The following AFG2A variants were observed in gnomAD, a reference collection of about 807,000 sequenced individuals.
AFG2A encodes AAA ATPase AFG2A, also known as ATPase family gene 2 protein homolog A.
chr4:122,988,449 A>AG, the AFG2A span, among the ~76,000 whole-genome samples: 1 of 142,184 alleles, frequency 7.0e-6, no homozygotes, highest in Non-Finnish European at 1.5e-5. Flanking sequence ...ACCAGGCTGG[A>AG]GGGTAGTAGT....
the AFG2A span, among the ~76,000 whole-genome samples, chr4:123,196,046 G>T: frequency 6.6e-6 from 1 of 150,500 alleles, no homozygotes; most frequent in African/African-American, 2.4e-5. Context: ...TGTCACCCAG[G>T]CTGGAGTGCA....
At chr4:123,271,368 A>G in the AFG2A span, among the ~76,000 whole-genome samples, 1 of 152,212 alleles carries the variant, frequency 6.6e-6, no homozygotes, top group African/African-American at 2.4e-5. Context: ...TTCACTTGTG[A>G]AAACAGTATC....
At chr4:123,025,881 A>G in the AFG2A span, among the ~76,000 whole-genome samples, 1 of 152,214 alleles carries the variant, frequency 6.6e-6, no homozygotes, top group Non-Finnish European at 1.5e-5. Flanking sequence ...AAAATATTAA[A>G]GCATGTTACT....
the AFG2A span, among the ~76,000 whole-genome samples, chr4:123,042,199 C>T: frequency 6.6e-6 from 1 of 152,118 alleles, no homozygotes; most frequent in African/African-American, 2.4e-5. Context: ...GTGGTTTAAA[C>T]AACAGAAATC....
At chr4:123,196,224 T>A in the AFG2A span, among the ~76,000 whole-genome samples, 11 of 137,874 alleles carry the variant, frequency 8.0e-5, no homozygotes, top group Non-Finnish European at 1.4e-4. Context: ...TGAGCCAGGA[T>A]GGTCTTGATA....
chr4:123,017,174 G>A, the AFG2A span, among the ~76,000 whole-genome samples: 14 of 41,466 alleles, frequency 3.4e-4, no homozygotes, highest in East Asian at 8.4e-4. Flanking sequence ...GGGAGAGGGA[G>A]AGGGGGGAGA....
At chr4:123,059,329 G>A in the AFG2A span, among the ~76,000 whole-genome samples, 4 of 83,042 alleles carry the variant, frequency 4.8e-5, no homozygotes, top group Non-Finnish European at 9.2e-5. Flanking sequence ...ACAGTCCCCC[G>A]AGTGTGATGT....
At chr4:123,314,165 T>C in the AFG2A span, 2 of 1,003,442 alleles carry the variant, frequency 2.0e-6, no homozygotes, top group South Asian at 2.3e-5. Flanking sequence ...CTAGGCAAAA[T>C]GTTTGAAGTA....
the AFG2A span, among the ~76,000 whole-genome samples, chr4:123,024,172 A>G: frequency 6.6e-6 from 1 of 151,576 alleles, no homozygotes; most frequent in Non-Finnish European, 1.5e-5. Context: ...TACAATAACA[A>G]TAATGAGAAG....
the AFG2A span, among the ~76,000 whole-genome samples, chr4:123,005,900 T>C: frequency 1.3e-5 from 2 of 152,248 alleles, no homozygotes; most frequent in African/African-American, 4.8e-5. Context: ...TCATCAGTTT[T>C]GCACTAAACA....
At chr4:122,958,140 C>T in the AFG2A span, among the ~76,000 whole-genome samples, 9 of 152,118 alleles carry the variant, frequency 5.9e-5, no homozygotes, top group African/African-American at 2.2e-4. Flanking sequence ...TTATTCCTGC[C>T]TTTATAAGTA....
At chr4:123,072,742 G>C in the AFG2A span, among the ~76,000 whole-genome samples, 1 of 152,080 alleles carries the variant, frequency 6.6e-6, no homozygotes, top group Non-Finnish European at 1.5e-5. Context: ...TGTTTTTCAA[G>C]AAGTCCAGTC....
At chr4:123,194,129 C>T in the AFG2A span, among the ~76,000 whole-genome samples, 1 of 152,152 alleles carries the variant, frequency 6.6e-6, no homozygotes, top group Non-Finnish European at 1.5e-5. Flanking sequence ...GAAGCAACAA[C>T]TTGAAATGAC....
chr4:122,979,732 A>G, the AFG2A span, among the ~76,000 whole-genome samples: 3 of 152,002 alleles, frequency 2.0e-5, no homozygotes, highest in Admixed American at 2.0e-4. Context: ...GTAAAACCCC[A>G]TCTCTACAAA....
the AFG2A span, among the ~76,000 whole-genome samples, chr4:123,234,394 G>T: frequency 2.0e-5 from 3 of 152,014 alleles, no homozygotes; most frequent in Admixed American, 1.3e-4. Context: ...GAGTGTTACT[G>T]TGAGGATTGC....
chr4:123,022,716 C>T, the AFG2A span, among the ~76,000 whole-genome samples: 1 of 151,602 alleles, frequency 6.6e-6, no homozygotes, highest in South Asian at 2.1e-4. Flanking sequence ...AATCATGCTG[C>T]TATAAAGACA....
At chr4:122,925,220 G>A in the AFG2A span, among the ~76,000 whole-genome samples, 2 of 152,072 alleles carry the variant, frequency 1.3e-5, no homozygotes, top group Admixed American at 6.5e-5. Context: ...TCTTCTGCAT[G>A]CCATTCCCAC....
the AFG2A span, among the ~76,000 whole-genome samples, chr4:123,208,682 G>A: frequency 6.6e-6 from 1 of 152,176 alleles, no homozygotes; most frequent in African/African-American, 2.4e-5. Flanking sequence ...AGTCTTTAGT[G>A]TAACATATTT....
the AFG2A span, among the ~76,000 whole-genome samples, chr4:123,051,616 TCTA>T: frequency 2.3e-5 from 1 of 43,396 alleles, no homozygotes; most frequent in Non-Finnish European, 9.3e-5. Context: ...ATAGGACAGG[TCTA>T]GTAGTGATAA....
Sources: allele counts gnomAD v4.1 joint callset (sites outside exome capture counted in the v4.1 genomes callset), GRCh38; gene constraint gnomAD v4.1.1; transcripts MANE v1.5; gene names NCBI Gene and HGNC (gene_info 2026-07-23, HGNC 2026-07-21).